The following ERBB4 variants were observed in gnomAD, a reference collection of about 807,000 sequenced individuals.
ERBB4 encodes the protein receptor tyrosine-protein kinase erbB-4.
In ERBB4, 42 loss-of-function variants were observed where a neutral mutation model predicts 158.0. The ratio of observed to expected loss-of-function variants is 0.27; its 90% confidence interval spans 0.21 to 0.34. The LOEUF is 0.34. Ranked by LOEUF, ERBB4 falls within the 10% of genes least tolerant of loss-of-function variation. The probability of loss-of-function intolerance (pLI) is 1.00; values close to 1 mark genes in which losing one functional copy is unlikely to be tolerated. For missense variants in ERBB4, 1,333 were observed against 1,624.1 expected (o/e 0.82, Z 3.08); for synonymous variants, 583 against 558.7 (o/e 1.04, Z -0.61).
intron 12 of ERBB4, among the ~76,000 whole-genome samples, chr2:211,682,409 TG>T (rs2072385566): frequency 1.3e-5 from 2 of 152,120 alleles, no homozygotes; most frequent in African/African-American, 4.8e-5. Flanking sequence ...CCCACACTGG[TG>T]AGGGCAATCT....
chr2:212,254,624 A>T (rs1471632527), intron 1 of ERBB4, among the ~76,000 whole-genome samples: 1 of 152,146 alleles, frequency 6.6e-6, no homozygotes, highest in Non-Finnish European at 1.5e-5. Context: ...ACGAATCCGT[A>T]ATTTTGTTTA....
At chr2:212,381,220 C>CA (rs1445165826) in intron 1 of ERBB4, among the ~76,000 whole-genome samples, 3 of 151,142 alleles carry the variant, frequency 2.0e-5, no homozygotes, top group African/African-American at 7.3e-5. Flanking sequence ...CAAAATCTTA[C>CA]AAAAATTAGA....
intron 2 of ERBB4, among the ~76,000 whole-genome samples, chr2:212,056,542 C>T (rs943735387): frequency 5.9e-5 from 9 of 152,182 alleles, no homozygotes; most frequent in African/African-American, 2.2e-4. Context: ...GGTCGGGTTA[C>T]CCATAAAGGG....
At chr2:211,783,405 T>C (rs1043158575) in intron 4 of ERBB4, among the ~76,000 whole-genome samples, 1 of 152,228 alleles carries the variant, frequency 6.6e-6, no homozygotes, top group African/African-American at 2.4e-5. Context: ...CAACACTGTA[T>C]TGAATAGGAG....
intron 26 of ERBB4, among the ~76,000 whole-genome samples, chr2:211,387,655 C>G (rs1390374681): frequency 7.1e-6 from 1 of 141,516 alleles, no homozygotes; most frequent in Non-Finnish European, 1.6e-5. Context: ...TAGTACATGA[C>G]CAATAATCAG....
At position 211,465,452 on chromosome 2, in the gene ERBB4, TA is replaced by T. The variant is rs142581594; in HGVS notation, c.2488-34353del. Among the ~76,000 whole-genome samples, 561 of 152,116 alleles carry T rather than the reference TA, an allele frequency of 3.7e-3. 5 individuals carry two copies. The highest frequency in any genetic ancestry group is 0.013 in the African/African-American group (543 of 41,510). On this transcript the variant is annotated intron_variant, in intron 20 of 27. Coordinates refer to ENST00000342788, the MANE Select transcript of ERBB4 (RefSeq NM_005235.3). ...GTTTTTAAAAATGACATCATAGCTTTAAAAAAATACTTTAACAGCAGGAATT... is the reference window on the plus strand; with the variant it reads ...GTTTTTAAAAATGACATCATAGCTTTAAAAAATACTTTAACAGCAGGAATT...
intron 1 of ERBB4, among the ~76,000 whole-genome samples, chr2:212,232,731 G>A (rs1460384063): frequency 6.6e-6 from 1 of 152,022 alleles, no homozygotes; most frequent in African/African-American, 2.4e-5. Context: ...GATTCTAAAT[G>A]GAAGTGAACA....
At chr2:211,905,411 A>G (rs2079352297) in intron 3 of ERBB4, among the ~76,000 whole-genome samples, 1 of 151,540 alleles carries the variant, frequency 6.6e-6, no homozygotes, top group African/African-American at 2.4e-5. Flanking sequence ...TTAGCAAACA[A>G]TTTCATCTGC....
intron 1 of ERBB4, among the ~76,000 whole-genome samples, chr2:212,446,577 CCATATATATATATGTATATA>C (rs1385286105): frequency 8.9e-4 from 32 of 36,036 alleles, no homozygotes; most frequent in Non-Finnish European, 1.6e-3. Flanking sequence ...TAATAAACTC[CCATATATATATATGTATATA>C]TATATATATA....
chr2:212,388,422 C>T (rs1437647949), intron 1 of ERBB4, among the ~76,000 whole-genome samples: 1 of 152,066 alleles, frequency 6.6e-6, no homozygotes, highest in Non-Finnish European at 1.5e-5. Flanking sequence ...TTGAAGCCAG[C>T]ATTAAACACA....
rs1012251224 is a variant in ERBB4, at chr2:211,382,723, GA to G, written c.*891del. Reference sequence around the variant, plus strand: ...CCTATCAAGTAGTGTCATTTATGGAGAAAAAAAAATGTTGAAAAATGTAAAG... The same window carrying G: ...CCTATCAAGTAGTGTCATTTATGGAGAAAAAAAATGTTGAAAAATGTAAAG... On this transcript the variant is annotated 3_prime_UTR_variant, in exon 28 of 28. Coordinates refer to ENST00000342788, the MANE Select transcript of ERBB4 (RefSeq NM_005235.3). The G allele has an allele frequency of 3.9e-5, 9 of 229,030 alleles. No homozygotes were observed. The highest frequency in any genetic ancestry group is 1.2e-4 in the East Asian group (2 of 16,178). 14.2% of individuals were successfully genotyped at this position (229,030 alleles called of 1,614,324 possible).
intron 1 of ERBB4, among the ~76,000 whole-genome samples, chr2:212,291,553 T>C (rs183272644): frequency 6.6e-6 from 1 of 152,208 alleles, no homozygotes; most frequent in East Asian, 1.9e-4. Context: ...TTTAGTTTGT[T>C]CTTTCAAACA....
chr2:211,963,719 G>C (rs2125181632), intron 2 of ERBB4, among the ~76,000 whole-genome samples: 1 of 151,516 alleles, frequency 6.6e-6, no homozygotes, highest in East Asian at 1.9e-4. Flanking sequence ...TTCATTCACT[G>C]TTTAAAAGCT....
intron 3 of ERBB4, among the ~76,000 whole-genome samples, chr2:211,874,848 T>C (rs1344874479): frequency 1.3e-5 from 2 of 152,018 alleles, no homozygotes; most frequent in Non-Finnish European, 2.9e-5. Flanking sequence ...TAAATAAAAA[T>C]ATAAATCACA....
intron 1 of ERBB4, among the ~76,000 whole-genome samples, chr2:212,301,818 T>A (rs958432866): frequency 6.6e-6 from 1 of 151,378 alleles, no homozygotes; most frequent in Non-Finnish European, 1.5e-5. Context: ...ATGTAACTTA[T>A]AGGGTAAACA....
At position 212,356,804 on chromosome 2, in the gene ERBB4, A is replaced by G. The variant is rs117678202; in HGVS notation, c.82+181645T>C. On this transcript the variant is annotated intron_variant, in intron 1 of 27. Coordinates refer to ENST00000342788, the MANE Select transcript of ERBB4 (RefSeq NM_005235.3). ...TGCTCATATTCAGTCAAATTGCTTG[A>G]ACATCACCTATGATGCTATTTTTAT... Among the ~76,000 whole-genome samples, 41 of 152,018 alleles carry G rather than the reference A, an allele frequency of 2.7e-4. No individual in the cohort carries two copies. In the East Asian group the frequency reaches 7.4e-3, roughly 27 times the overall value.
At chr2:211,883,653 G>T (rs935287065) in intron 3 of ERBB4, among the ~76,000 whole-genome samples, 1 of 151,910 alleles carries the variant, frequency 6.6e-6, no homozygotes, top group African/African-American at 2.4e-5. Context: ...TGGCGTTGTC[G>T]TGGGCACCTA....
chr2:211,688,641 T>G (rs1189462753), intron 12 of ERBB4, among the ~76,000 whole-genome samples: 1 of 152,204 alleles, frequency 6.6e-6, no homozygotes, highest in African/African-American at 2.4e-5. Context: ...TATTTACTTT[T>G]AACAATGCAA....
intron 5 of ERBB4, among the ~76,000 whole-genome samples, chr2:211,748,207 T>C (rs2075029572): frequency 6.6e-6 from 1 of 151,986 alleles, no homozygotes; most frequent in South Asian, 2.1e-4. Context: ...TTTTGTAATC[T>C]GTAAAAATAC....
Sources: allele counts gnomAD v4.1 joint callset (sites outside exome capture counted in the v4.1 genomes callset), GRCh38; gene constraint gnomAD v4.1.1; transcripts MANE v1.5; gene names NCBI Gene and HGNC (gene_info 2026-07-23, HGNC 2026-07-21).